Variants in STK32A observed in about 807,000 individuals in gnomAD.
STK32A encodes the protein serine/threonine kinase 32A.
A neutral mutation model predicts 53.2 loss-of-function variants in STK32A; 41 were observed. The observed-to-expected ratio is 0.77, with a 90% CI of 0.60 to 1.00. The LOEUF (loss-of-function observed/expected upper bound fraction) is 1.00. Among genes scored for constraint, STK32A ranks in the 50% least tolerant of loss-of-function variants. The probability of loss-of-function intolerance (pLI) is 0.00; values close to 1 mark genes in which losing one functional copy is unlikely to be tolerated. For missense variants in STK32A, 458 were observed against 485.8 expected, an observed-to-expected ratio of 0.94 and a Z score of 0.54; for synonymous variants, 166 against 162.8, an observed-to-expected ratio of 1.02 and a Z score of -0.15.
intron 2 of STK32A, among the ~76,000 whole-genome samples, chr5:147,253,509 C>T (rs12514577): frequency 1.7e-4 from 26 of 152,144 alleles, no homozygotes; most frequent in Admixed American, 3.3e-4. Flanking sequence ...CGCACTACCA[C>T]GCCCGGCTAA....
intron 2 of STK32A, among the ~76,000 whole-genome samples, chr5:147,256,334 A>G (rs1342358097): frequency 6.6e-6 from 1 of 151,822 alleles, no homozygotes; most frequent in Non-Finnish European, 1.5e-5. Flanking sequence ...ACGACTTATT[A>G]CTCCAGGCTG....
intron 2 of STK32A, among the ~76,000 whole-genome samples, chr5:147,261,643 T>C (rs1360177759): frequency 6.6e-6 from 1 of 152,172 alleles, no homozygotes; most frequent in Non-Finnish European, 1.5e-5. Context: ...TATTAATTCT[T>C]TGAAAAGAAA....
chr5:147,254,755 G>A (rs1754150400), intron 2 of STK32A, among the ~76,000 whole-genome samples: 1 of 152,184 alleles, frequency 6.6e-6, no homozygotes. Context: ...CAGATAGCAG[G>A]TAATCGGACT....
At chr5:147,275,047 T>A (rs1003292486) in intron 2 of STK32A, among the ~76,000 whole-genome samples, 6 of 152,206 alleles carry the variant, frequency 3.9e-5, no homozygotes, top group African/African-American at 1.4e-4. Context: ...CAAGTCCAGT[T>A]TGGCATTTAC....
chr5:147,355,790 G>GTATATATATATA (rs1276723577), intron 7 of STK32A, among the ~76,000 whole-genome samples: 36 of 137,858 alleles, frequency 2.6e-4, no homozygotes, highest in African/African-American at 8.7e-4. Flanking sequence ...GAGTGTGTGT[G>GTATATATATATA]TGTATATATA....
At chr5:147,270,175 T>A (rs72823814) in intron 2 of STK32A, among the ~76,000 whole-genome samples, 6,470 of 152,208 alleles carry the variant, frequency 0.043, 199 homozygotes, top group Middle Eastern at 0.11. Context: ...CAAGAAAAGA[T>A]TGATACATTT....
intron 7 of STK32A, among the ~76,000 whole-genome samples, chr5:147,353,531 G>A (rs1487384725): frequency 6.6e-6 from 1 of 152,038 alleles, no homozygotes; most frequent in African/African-American, 2.4e-5. Context: ...GGAGACCGAG[G>A]CAGGCGGATC....
chr5:147,281,341 A>G (rs1752055305), intron 4 of STK32A, among the ~76,000 whole-genome samples: 1 of 152,186 alleles, frequency 6.6e-6, no homozygotes, highest in Non-Finnish European at 1.5e-5. Context: ...GCTCAGTGCA[A>G]GGGAATCCAA....
intron 2 of STK32A, among the ~76,000 whole-genome samples, chr5:147,268,930 A>G (rs977547979): frequency 6.6e-6 from 1 of 152,078 alleles, no homozygotes; most frequent in African/African-American, 2.4e-5. Flanking sequence ...TCTTTACCCA[A>G]CTCTGTGCTG....
At chr5:147,260,395 T>TC (rs1754504446) in intron 2 of STK32A, among the ~76,000 whole-genome samples, 1 of 151,876 alleles carries the variant, frequency 6.6e-6, no homozygotes, top group Admixed American at 6.6e-5. Context: ...GCTGCTGTTC[T>TC]CCCCTCTCCT....
At chr5:147,295,284 C>T (rs1752815185) in intron 4 of STK32A, among the ~76,000 whole-genome samples, 1 of 152,178 alleles carries the variant, frequency 6.6e-6, no homozygotes, top group Non-Finnish European at 1.5e-5. Context: ...TTCATTTATA[C>T]ACTTCTATCT....
At chr5:147,330,784 C>T (rs367818247) in intron 5 of STK32A, among the ~76,000 whole-genome samples, 9 of 152,304 alleles carry the variant, frequency 5.9e-5, no homozygotes, top group African/African-American at 2.2e-4. Context: ...AGAAGGCTGC[C>T]CACCTGTAAT....
At chr5:147,400,728 C>T in the STK32A span, 2 of 1,614,070 alleles carry the variant, frequency 1.2e-6, no homozygotes, top group East Asian at 4.5e-5. Context: ...TCCGCTCCTC[C>T]ACACCATTGG....
chr5:147,376,022 AG>A (rs1365813709), intron 11 of STK32A: 1 of 152,114 alleles, frequency 6.6e-6, no homozygotes, highest in Non-Finnish European at 1.5e-5. Flanking sequence ...ATGATCTGCC[AG>A]GTCCTGTGCT....
chr5:147,247,254 A>G (rs1168123714), intron 2 of STK32A, among the ~76,000 whole-genome samples: 2 of 152,192 alleles, frequency 1.3e-5, no homozygotes, highest in Non-Finnish European at 2.9e-5. Flanking sequence ...CCCTCAATTC[A>G]CAAACTCAGG....
At chr5:147,282,257 T>A (rs1488340134) in intron 4 of STK32A, among the ~76,000 whole-genome samples, 1 of 151,906 alleles carries the variant, frequency 6.6e-6, no homozygotes, top group Non-Finnish European at 1.5e-5. Flanking sequence ...CCCCAAAAAA[T>A]GTGAGTGCTC....
At chr5:147,310,509 G>A (rs987782620) in intron 4 of STK32A, among the ~76,000 whole-genome samples, 2 of 152,228 alleles carry the variant, frequency 1.3e-5, no homozygotes, top group Middle Eastern at 3.4e-3. Flanking sequence ...TCAGCACGCC[G>A]GGCACCTCTC....
intron 7 of STK32A, among the ~76,000 whole-genome samples, chr5:147,360,475 AAAAG>A (rs142486199): frequency 0.17 from 23,603 of 142,582 alleles, 1,938 homozygotes; most frequent in African/African-American, 0.23. Flanking sequence ...AAAGAAAAAA[AAAAG>A]AAAGAAAGAA....
At chr5:147,299,946 G>C (rs770822198) in intron 4 of STK32A, among the ~76,000 whole-genome samples, 1 of 151,974 alleles carries the variant, frequency 6.6e-6, no homozygotes, top group Non-Finnish European at 1.5e-5. Context: ...TGTCTCTCTG[G>C]GCCTGACACA....
Sources: gnomAD v4.1 joint callset for allele counts (sites outside exome capture counted in the v4.1 genomes callset) on GRCh38, gnomAD v4.1.1 for gene constraint, MANE v1.5 for transcripts, NCBI Gene and HGNC (gene_info 2026-07-23, HGNC 2026-07-21) for gene names.